Variants in FILIP1L observed in about 807,000 individuals in gnomAD.
The protein encoded by FILIP1L is filamin A-interacting protein 1-like.
In FILIP1L, 55 loss-of-function variants were observed where a neutral mutation model predicts 96.6. The observed-to-expected ratio is 0.57, with a 90% CI of 0.46 to 0.71. FILIP1L has a LOEUF of 0.71. Among genes scored for constraint, FILIP1L ranks in the 30% least tolerant of loss-of-function variants. The probability of loss-of-function intolerance (pLI) is 0.00; values close to 1 mark genes in which losing one functional copy is unlikely to be tolerated. For missense variants in FILIP1L, 1,304 were observed against 1,321.2 expected, an observed-to-expected ratio of 0.99 and a Z score of 0.20; for synonymous variants, 467 against 473.9, an observed-to-expected ratio of 0.99 and a Z score of 0.19.
intron 5 of FILIP1L, chr3:99,847,855 C>T (rs1943438300): frequency 1.3e-6 from 1 of 783,816 alleles, no homozygotes; most frequent in Non-Finnish European, 1.6e-6. Context: ...AGACTATAAG[C>T]AAAAGACAAA....
chr3:100,053,465 T>C (rs2065407717), intron 1 of FILIP1L, among the ~76,000 whole-genome samples: 1 of 152,192 alleles, frequency 6.6e-6, no homozygotes, highest in Admixed American at 6.5e-5. Flanking sequence ...TCTTCCCTCG[T>C]TGTGTCTGTA....
At chr3:99,958,967 T>C (rs1708417667) in intron 1 of FILIP1L, among the ~76,000 whole-genome samples, 1 of 152,200 alleles carries the variant, frequency 6.6e-6, no homozygotes, top group African/African-American at 2.4e-5. Context: ...TGGATTCTTG[T>C]GTGTAAAAAC....
At chr3:99,960,549 C>G (rs1422656645) in intron 1 of FILIP1L, among the ~76,000 whole-genome samples, 2 of 152,190 alleles carry the variant, frequency 1.3e-5, no homozygotes, top group East Asian at 1.9e-4. Context: ...TCCTCACCTC[C>G]TGTAGGTCTT....
chr3:100,068,720 C>G (rs994730728), intron 1 of FILIP1L, among the ~76,000 whole-genome samples: 1 of 152,120 alleles, frequency 6.6e-6, no homozygotes, highest in Non-Finnish European at 1.5e-5. Flanking sequence ...CTCTATCTCC[C>G]AGGTTCAAGC....
At chr3:99,938,511 AC>A (rs977660208) in intron 1 of FILIP1L, among the ~76,000 whole-genome samples, 20 of 152,262 alleles carry the variant, frequency 1.3e-4, no homozygotes, top group Middle Eastern at 3.4e-3. Context: ...TATATTTAAC[AC>A]CCCATACTTT....
At chr3:99,861,165 C>A (rs1205819528) in intron 4 of FILIP1L, among the ~76,000 whole-genome samples, 1 of 151,702 alleles carries the variant, frequency 6.6e-6, no homozygotes, top group East Asian at 1.9e-4. Context: ...TCCATACTTT[C>A]CATTTTGATT....
intron 1 of FILIP1L, among the ~76,000 whole-genome samples, chr3:100,020,073 T>C (rs886425270): frequency 6.6e-6 from 1 of 152,192 alleles, no homozygotes; most frequent in Non-Finnish European, 1.5e-5. Flanking sequence ...TGGAAAGCCT[T>C]ACTATAATCC....
chr3:100,049,350 C>T (rs1385827215), intron 1 of FILIP1L, among the ~76,000 whole-genome samples: 2 of 152,074 alleles, frequency 1.3e-5, no homozygotes, highest in Non-Finnish European at 2.9e-5. Context: ...AGGGTCTTAC[C>T]GAACTTACCA....
intron 1 of FILIP1L, among the ~76,000 whole-genome samples, chr3:100,053,402 C>T (rs1327135238): frequency 6.6e-6 from 1 of 152,138 alleles, no homozygotes; most frequent in Non-Finnish European, 1.5e-5. Flanking sequence ...CCTTGGCATT[C>T]CTTGGCTTGT....
rs1266876956 is a variant in FILIP1L at position 99,963,621 on chromosome 3, C to CT, written c.-10-32592dup. On this transcript the variant is annotated intron_variant, in intron 1 of 5. Transcript: ENST00000477258. ...CTGAATATGCATCCATTTTTTTTTT[C>CT]TTTTTTTTTAGACGGAGTGTCGCTC... Among the ~76,000 whole-genome samples the CT allele has an allele frequency of 2.2e-3, 331 of 148,206 alleles. 3 individuals are homozygous for CT. Among genetic ancestry groups the CT allele is most frequent in the African/African-American group, 7.6e-3 (306 of 40,454 alleles).
At chr3:99,920,080 T>G (rs1329340016) in intron 4 of FILIP1L, among the ~76,000 whole-genome samples, 1 of 152,194 alleles carries the variant, frequency 6.6e-6, no homozygotes, top group Non-Finnish European at 1.5e-5. Context: ...GAAAAGTAAT[T>G]TAAGGCTTTA....
At chr3:100,048,377 G>A (rs1163034658) in intron 1 of FILIP1L, among the ~76,000 whole-genome samples, 1 of 152,206 alleles carries the variant, frequency 6.6e-6, no homozygotes, top group Admixed American at 6.5e-5. Context: ...AAGTATGGCA[G>A]CTGCTTGAAG....
chr3:99,933,787 G>A (rs1289762977), intron 1 of FILIP1L, among the ~76,000 whole-genome samples: 1 of 152,104 alleles, frequency 6.6e-6, no homozygotes, highest in East Asian at 1.9e-4. Context: ...CTCACATGGC[G>A]TATCTGACCT....
intron 4 of FILIP1L, among the ~76,000 whole-genome samples, chr3:99,886,971 A>G (rs1169637292): frequency 7.3e-6 from 1 of 137,584 alleles, no homozygotes; most frequent in Non-Finnish European, 1.6e-5. Context: ...CTCCATCTCA[A>G]AAAAAAAAAA....
chr3:99,920,918 C>T (rs2107650154), intron 4 of FILIP1L, among the ~76,000 whole-genome samples: 1 of 152,288 alleles, frequency 6.6e-6, no homozygotes, highest in African/African-American at 2.4e-5. Flanking sequence ...CAAACCAACA[C>T]TTAGAATGTG....
chr3:99,926,277 C>T (rs1707290729), intron 3 of FILIP1L, among the ~76,000 whole-genome samples: 2 of 152,202 alleles, frequency 1.3e-5, no homozygotes, highest in South Asian at 4.1e-4. Flanking sequence ...TGCTTAAATT[C>T]ACAAAATACT....
At chr3:99,991,204 A>G (rs1709501117) in intron 1 of FILIP1L, among the ~76,000 whole-genome samples, 1 of 152,198 alleles carries the variant, frequency 6.6e-6, no homozygotes, top group Non-Finnish European at 1.5e-5. Flanking sequence ...TAAGCAGCCT[A>G]TTCTTCTTTA....
chr3:100,035,530 T>C (rs899767979), intron 1 of FILIP1L, among the ~76,000 whole-genome samples: 4 of 152,168 alleles, frequency 2.6e-5, no homozygotes, highest in Non-Finnish European at 1.5e-5. Flanking sequence ...CCCAAAGTGC[T>C]GCAATTACAG....
chr3:99,902,760 G>C lies in FILIP1L; in HGVS notation c.605+21470C>G, dbSNP rs534096868. Among the ~76,000 whole-genome samples, 5 of 152,162 alleles carry C rather than the reference G, an allele frequency of 3.3e-5. No homozygotes were observed. In the East Asian group the frequency reaches 9.7e-4, roughly 29 times the overall value. On this transcript the variant is annotated intron_variant, in intron 4 of 5. Transcript: ENST00000477258. ...CCATGTTATGCTTTCTACTATTCTA[G>C]TTGCCTGTCATGGAAAAGGTTTAAC...
Sources: allele counts gnomAD v4.1 joint callset (sites outside exome capture counted in the v4.1 genomes callset), GRCh38; gene constraint gnomAD v4.1.1; transcripts MANE v1.5; gene names NCBI Gene and HGNC (gene_info 2026-07-23, HGNC 2026-07-21).